Variants in RANBP2 observed in about 807,000 individuals in gnomAD.
RANBP2 encodes the protein E3 SUMO-protein ligase RanBP2.
In RANBP2, 57 loss-of-function variants were observed where a neutral mutation model predicts 303.6. That is an observed-to-expected ratio of 0.19 (90% CI 0.15 to 0.23). The LOEUF is 0.23. RANBP2 is among the 10% of genes least tolerant of loss of function. The probability of loss-of-function intolerance (pLI) is 1.00; values close to 1 mark genes in which losing one functional copy is unlikely to be tolerated. For missense variants in RANBP2, 3,138 were observed against 3,780.8 expected (o/e 0.83, Z 4.46); for synonymous variants, 1,167 against 1,301.5 (o/e 0.90, Z 2.23).
the RANBP2 span, among the ~76,000 whole-genome samples, chr2:109,717,447 C>T: frequency 1.2e-4 from 18 of 151,796 alleles, no homozygotes; most frequent in African/African-American, 3.4e-4. Flanking sequence ...CTGGGCATGG[C>T]GGTGGACGCC....
chr2:109,646,643 C>T, the RANBP2 span, among the ~76,000 whole-genome samples: 1 of 151,624 alleles, frequency 6.6e-6, no homozygotes, highest in Admixed American at 6.6e-5. Context: ...AGGCGACTGC[C>T]ACCATGACTG....
the RANBP2 span, among the ~76,000 whole-genome samples, chr2:109,337,441 C>T: frequency 6.6e-6 from 1 of 152,206 alleles, no homozygotes; most frequent in Non-Finnish European, 1.5e-5. Context: ...TGGCCACCCC[C>T]TCGCATATGG....
At chr2:109,634,252 A>G in the RANBP2 span, among the ~76,000 whole-genome samples, 1 of 152,216 alleles carries the variant, frequency 6.6e-6, no homozygotes, top group East Asian at 1.9e-4. Context: ...AGGAAGTCCA[A>G]CAAATTGCAA....
At chr2:109,439,784 G>A in the RANBP2 span, among the ~76,000 whole-genome samples, 1 of 151,954 alleles carries the variant, frequency 6.6e-6, no homozygotes, top group Non-Finnish European at 1.5e-5. Flanking sequence ...GCAGGGGTCT[G>A]GAAACAGAGG....
At chr2:109,404,687 A>G in the RANBP2 span, among the ~76,000 whole-genome samples, 21 of 152,114 alleles carry the variant, frequency 1.4e-4, no homozygotes, top group African/African-American at 4.8e-4. Flanking sequence ...GCCCCCTCCC[A>G]GCACCTTTGC....
the RANBP2 span, among the ~76,000 whole-genome samples, chr2:109,499,043 G>A: frequency 2.8e-4 from 43 of 152,288 alleles, no homozygotes; most frequent in Admixed American, 1.7e-3. Context: ...GGGGACTGCT[G>A]GAGCCCTCTG....
the RANBP2 span, among the ~76,000 whole-genome samples, chr2:109,595,754 G>A: frequency 6.6e-6 from 1 of 152,214 alleles, no homozygotes; most frequent in Admixed American, 6.5e-5. Context: ...GACAATACCT[G>A]AGTGGCAGAC....
chr2:109,710,745 C>G, the RANBP2 span, among the ~76,000 whole-genome samples: 1 of 152,144 alleles, frequency 6.6e-6, no homozygotes, highest in Non-Finnish European at 1.5e-5. Context: ...GTGAGCAGAG[C>G]ATGGGAAGCA....
the RANBP2 span, among the ~76,000 whole-genome samples, chr2:109,709,806 C>T: frequency 1.3e-5 from 2 of 152,092 alleles, no homozygotes; most frequent in African/African-American, 4.8e-5. Flanking sequence ...GTGATTTACT[C>T]GCTGGGCACG....
the RANBP2 span, chr2:109,737,514 G>C: frequency 1.8e-6 from 1 of 568,970 alleles, no homozygotes; most frequent in Non-Finnish European, 3.1e-6. Context: ...CTTTCTCGCG[G>C]GCACCATGGC....
chr2:108,963,530 C>T, the RANBP2 span, among the ~76,000 whole-genome samples: 1 of 152,128 alleles, frequency 6.6e-6, no homozygotes, highest in South Asian at 2.1e-4. Flanking sequence ...ATGGTTTCGT[C>T]TGGTAAAATT....
At chr2:109,644,005 C>T in the RANBP2 span, among the ~76,000 whole-genome samples, 1 of 151,634 alleles carries the variant, frequency 6.6e-6, no homozygotes, top group Non-Finnish European at 1.5e-5. Flanking sequence ...CCTGCAATCC[C>T]AGCTACTCGG....
At chr2:108,726,108 G>A (rs1054809042) in intron 1 of RANBP2, among the ~76,000 whole-genome samples, 107 of 152,288 alleles carry the variant, frequency 7.0e-4, no homozygotes, top group African/African-American at 2.5e-3. Context: ...TTGAATGGAA[G>A]ATTATATAAA....
chr2:108,978,113 G>A, the RANBP2 span, among the ~76,000 whole-genome samples: 3 of 152,188 alleles, frequency 2.0e-5, no homozygotes, highest in African/African-American at 7.2e-5. Flanking sequence ...ACCAGCAAAG[G>A]GCCCCAGAGG....
the RANBP2 span, among the ~76,000 whole-genome samples, chr2:108,949,542 C>T: frequency 6.6e-6 from 1 of 152,138 alleles, no homozygotes; most frequent in Non-Finnish European, 1.5e-5. Flanking sequence ...AGCTAACAGC[C>T]TCCAAACCAG....
chr2:109,122,456 G>A, the RANBP2 span, among the ~76,000 whole-genome samples: 1 of 152,246 alleles, frequency 6.6e-6, no homozygotes, highest in African/African-American at 2.4e-5. Flanking sequence ...TGCCCCTGGT[G>A]TTTGGAGCCT....
the RANBP2 span, among the ~76,000 whole-genome samples, chr2:109,177,549 T>TG: frequency 0.016 from 2,328 of 150,118 alleles, 30 homozygotes; most frequent in East Asian, 0.041. Context: ...TCACCTGCTC[T>TG]GGGGGGGGGC....
chr2:109,097,164 C>T, the RANBP2 span, among the ~76,000 whole-genome samples: 763 of 152,112 alleles, frequency 5.0e-3, 9 homozygotes, highest in African/African-American at 0.017. Context: ...ATTAGCTGGG[C>T]GTGGTGGCAC....
the RANBP2 span, among the ~76,000 whole-genome samples, chr2:109,059,327 A>G: frequency 6.6e-6 from 1 of 152,118 alleles, no homozygotes; most frequent in African/African-American, 2.4e-5. Context: ...TGTAATCCCA[A>G]CACTTTGGGA....
Sources: allele counts gnomAD v4.1 joint callset (sites outside exome capture counted in the v4.1 genomes callset), GRCh38; gene constraint gnomAD v4.1.1; transcripts MANE v1.5; gene names NCBI Gene and HGNC (gene_info 2026-07-23, HGNC 2026-07-21).